Variants in DPYD observed in about 807,000 individuals in gnomAD.
The protein encoded by DPYD is dihydropyrimidine dehydrogenase [NADP(+)].
DPYD carries 109 observed loss-of-function variants against 116.2 expected under a neutral mutation model. The observed-to-expected ratio is 0.94, with a 90% CI of 0.80 to 1.10. DPYD has a LOEUF of 1.10. Among genes scored for constraint, DPYD ranks in the 50% least tolerant of loss-of-function variants. The pLI, the probability that DPYD is intolerant of heterozygous loss-of-function variation, is 0.00. For missense variants in DPYD, 1,302 were observed against 1,254.5 expected (o/e 1.04, Z -0.57); for synonymous variants, 440 against 432.0 (o/e 1.02, Z -0.23).
At chr1:97,897,763 T>C (rs1340541740) in intron 1 of DPYD, among the ~76,000 whole-genome samples, 1 of 151,906 alleles carries the variant, frequency 6.6e-6, no homozygotes, top group African/African-American at 2.4e-5. Flanking sequence ...AGAATACAGT[T>C]ATAATGACAG....
chr1:97,316,555 A>ATAAAATAAAATAAAATAAAG (rs1667863508), intron 16 of DPYD, among the ~76,000 whole-genome samples: 1 of 151,142 alleles, frequency 6.6e-6, no homozygotes, highest in African/African-American at 2.4e-5. Flanking sequence ...ATAAAATAAA[A>ATAAAATAAAATAAAATAAAG]TAAAATATCA....
At chr1:97,530,499 G>C (rs973396664) in intron 12 of DPYD, among the ~76,000 whole-genome samples, 4 of 152,064 alleles carry the variant, frequency 2.6e-5, no homozygotes, top group Non-Finnish European at 5.9e-5. Context: ...TTACAGGCGT[G>C]AGCCACCGCG....
intron 18 of DPYD, among the ~76,000 whole-genome samples, chr1:97,237,208 T>C (rs1661996102): frequency 8.7e-6 from 1 of 115,226 alleles, no homozygotes; most frequent in Admixed American, 1.3e-4. Context: ...GCCATTGCCC[T>C]CCAGCCTGGG....
intron 20 of DPYD, among the ~76,000 whole-genome samples, chr1:97,129,901 G>C (rs889209950): frequency 2.0e-5 from 3 of 152,104 alleles, no homozygotes; most frequent in Non-Finnish European, 4.4e-5. Flanking sequence ...AATAGACTCA[G>C]GATTATCTTT....
At chr1:97,824,692 T>C (rs936898167) in intron 3 of DPYD, among the ~76,000 whole-genome samples, 1 of 152,182 alleles carries the variant, frequency 6.6e-6, no homozygotes, top group South Asian at 2.1e-4. Context: ...CTTTTCTTCT[T>C]AGGCACATTA....
intron 14 of DPYD, among the ~76,000 whole-genome samples, chr1:97,422,505 T>A (rs947478380): frequency 6.6e-6 from 1 of 152,120 alleles, no homozygotes; most frequent in Admixed American, 6.6e-5. Context: ...AGAGGTAAAG[T>A]AGAGTAACCT....
At chr1:97,359,887 G>T (rs1670628240) in intron 16 of DPYD, among the ~76,000 whole-genome samples, 1 of 152,196 alleles carries the variant, frequency 6.6e-6, no homozygotes, top group Admixed American at 6.5e-5. Context: ...ATGCTAGGAA[G>T]AAACTGCATC....
intron 20 of DPYD, among the ~76,000 whole-genome samples, chr1:97,160,794 A>G (rs1430352101): frequency 6.6e-6 from 1 of 152,152 alleles, no homozygotes; most frequent in African/African-American, 2.4e-5. Flanking sequence ...TGATATCTGA[A>G]TAAAAGCCTT....
chr1:97,194,060 T>A (rs1658576143), intron 19 of DPYD, among the ~76,000 whole-genome samples: 1 of 152,228 alleles, frequency 6.6e-6, no homozygotes, highest in Admixed American at 6.5e-5. Context: ...AGGGAAGAAC[T>A]GCATTTATTT....
At chr1:97,199,884 T>C (rs1438523496) in intron 19 of DPYD, among the ~76,000 whole-genome samples, 1 of 152,178 alleles carries the variant, frequency 6.6e-6, no homozygotes, top group Non-Finnish European at 1.5e-5. Context: ...TATTGTAGAA[T>C]TTCACGTAAT....
intron 4 of DPYD, among the ~76,000 whole-genome samples, chr1:97,726,923 T>C (rs1207827370): frequency 6.6e-6 from 1 of 151,724 alleles, no homozygotes; most frequent in South Asian, 2.1e-4. Context: ...TGTCAAACTA[T>C]GAGTGTCTGA....
chr1:97,755,003 T>C (rs1242300526), intron 3 of DPYD, among the ~76,000 whole-genome samples: 1 of 152,156 alleles, frequency 6.6e-6, no homozygotes, highest in Non-Finnish European at 1.5e-5. Flanking sequence ...AACACATGGC[T>C]TTAAGAAGAC....
chr1:97,838,447 G>C (rs1051817330), intron 2 of DPYD, among the ~76,000 whole-genome samples: 1 of 152,154 alleles, frequency 6.6e-6, no homozygotes, highest in African/African-American at 2.4e-5. Flanking sequence ...TTAAAATTTT[G>C]CTCATCAACT....
chr1:97,176,897 T>TGTGG (rs1553228786), intron 20 of DPYD, among the ~76,000 whole-genome samples: 1 of 79,670 alleles, frequency 1.3e-5, no homozygotes, highest in African/African-American at 7.5e-5. Context: ...TGTGTGTGTG[T>TGTGG]AGGGGGGGTG....
chr1:97,292,236 G>A (rs1173287612), intron 18 of DPYD, among the ~76,000 whole-genome samples: 1 of 152,082 alleles, frequency 6.6e-6, no homozygotes, highest in African/African-American at 2.4e-5. Context: ...ACATTGGTCT[G>A]TTCTCATGCT....
At chr1:97,445,564 AC>A (rs1676030148) in intron 14 of DPYD, among the ~76,000 whole-genome samples, 1 of 151,936 alleles carries the variant, frequency 6.6e-6, no homozygotes, top group Admixed American at 6.6e-5. Context: ...TTCTCCTATA[AC>A]CTAGTATGTA....
Position 97,849,432 on chromosome 1 carries a change from G to A in DPYD, c.151-21236C>T, listed in dbSNP as rs1211813251. On this transcript the variant is annotated intron_variant, in intron 2 of 22. Transcript: ENST00000370192. ...TACTCTATATATGGCATTGTTCTAAGCAAGTGCTTTATATGTCTTAATTTG... is the reference window on the plus strand; with the variant it reads ...TACTCTATATATGGCATTGTTCTAAACAAGTGCTTTATATGTCTTAATTTG... Among the ~76,000 whole-genome samples, 41 of 151,676 alleles carry A rather than the reference G, an allele frequency of 2.7e-4. 1 individual carries two copies. The highest frequency in any genetic ancestry group is 2.7e-3 in the Admixed American group (41 of 15,224).
At chr1:97,428,488 G>A (rs1557705141) in intron 14 of DPYD, among the ~76,000 whole-genome samples, 1 of 152,054 alleles carries the variant, frequency 6.6e-6, no homozygotes. Context: ...GGACAAATTA[G>A]TAAGATGGAA....
At chr1:97,543,805 A>G (rs1650625789) in intron 12 of DPYD, among the ~76,000 whole-genome samples, 1 of 152,206 alleles carries the variant, frequency 6.6e-6, no homozygotes, top group African/African-American at 2.4e-5. Context: ...TTGAGGGTAC[A>G]GCAATACATA....
Sources: gnomAD v4.1 joint callset for allele counts (sites outside exome capture counted in the v4.1 genomes callset) on GRCh38, gnomAD v4.1.1 for gene constraint, MANE v1.5 for transcripts, NCBI Gene and HGNC (gene_info 2026-07-23, HGNC 2026-07-21) for gene names.